The following CES3 variants were observed in gnomAD, a reference collection of about 807,000 sequenced individuals.
CES3 encodes the protein carboxylesterase 3, also known as carboxylesterase 3 (brain).
Under a neutral mutation model 57.6 loss-of-function variants are expected in CES3, and 49 were observed. The observed-to-expected ratio is 0.85, with a 90% CI of 0.68 to 1.08. The LOEUF (loss-of-function observed/expected upper bound fraction) is 1.08. Among genes scored for constraint, CES3 ranks in the 50% least tolerant of loss-of-function variants. CES3 has a pLI of 0.00. For synonymous variants in CES3, 266 were observed against 281.6 expected, an observed-to-expected ratio of 0.94 and a Z score of 0.55; for missense variants, 645 against 742.0, an observed-to-expected ratio of 0.87 and a Z score of 1.52.
chr16:66,966,566 TCTC>T lies in CES3; in HGVS notation c.922-156_922-154del. The stretch of plus-strand genomic sequence containing the variant: ...AAACTGGACGCATCTGTTGCCCTGA[TCTC>T]CTGGTTCCCCCGACCCCCTTAACCC... On this transcript the variant is annotated intron_variant, in intron 7 of 12. Coordinates refer to ENST00000303334, the MANE Select transcript of CES3 (RefSeq NM_024922.6). 4 of 947,420 alleles carry T rather than the reference TCTC, an allele frequency of 4.2e-6. No homozygotes were observed. In the South Asian group the frequency reaches 4.8e-5, roughly 11 times the overall value. 58.7% of individuals were successfully genotyped at this position (947,420 alleles called of 1,614,324 possible).
Position 66,969,755 on chromosome 16 carries a change from G to A in CES3, c.1139G>A (p.Ser380Asn). 1 of 1,611,788 alleles carries A rather than the reference G, an allele frequency of 6.2e-7. No individual in the cohort carries two copies. The highest frequency in any genetic ancestry group is 8.5e-7 in the Non-Finnish European group (1 of 1,179,024). ...MLAISTPVLT[S>N]LDVPPEMMPT... ...GCCATCTCAACACCCGTCTTGACCA[G>A]TCTGGTGAGACAAGAGGCAGGAGGG... Residue 380 changes from serine to asparagine, a missense_variant, in exon 9 of 13, where the codon AGT becomes AAT. Transcript: ENST00000303334.
chr16:66,964,221 C>A, intron 4 of CES3, 136 bp from the exon 5 acceptor site: 1 of 1,246,240 alleles, frequency 8.0e-7, no homozygotes, highest in Non-Finnish European at 1.1e-6. Flanking sequence ...TGTGGAGATG[C>A]CAACCACGGC....
chr16:66,964,165 G>A (rs980847734), intron 4 of CES3, among the ~76,000 whole-genome samples, 192 bp from the exon 5 acceptor site: 4 of 152,228 alleles, frequency 2.6e-5, no homozygotes, highest in African/African-American at 7.2e-5. Flanking sequence ...TGATTCCTGG[G>A]CTGAAGCCCA....
chr16:66,964,756 A>G, intron 6 of CES3, 29 bp downstream of exon 6: 1 of 1,583,726 alleles, frequency 6.3e-7, no homozygotes, highest in East Asian at 2.2e-5. Context: ...CTCTTACTCT[A>G]TGTGTGCCTC....
At chr16:66,970,412 C>T (rs1963812686) in intron 9 of CES3, among the ~76,000 whole-genome samples, 2 of 152,182 alleles carry the variant, frequency 1.3e-5, no homozygotes, top group African/African-American at 4.8e-5. Flanking sequence ...CCCGGCGCTG[C>T]AACTCTTTAC....
Position 66,963,153 on chromosome 16 carries a change from C to A in CES3, c.83-26C>A. ...CCCTCATGGGGGCTGCAAACTCACC[C>A]CGTGGCCTTTCTGTCCTTCCCTCAG... On this transcript the variant is annotated intron_variant, in intron 1 of 12. Coordinates refer to ENST00000303334, the MANE Select transcript of CES3 (RefSeq NM_024922.6). This position sits in a 1 kb window ranked among gnomAD's most constrained non-coding sequence, Gnocchi z 4.9. 1 of 1,613,070 alleles carries A rather than the reference C, an allele frequency of 6.2e-7. No individual in the cohort carries two copies. The highest frequency in any genetic ancestry group is 1.1e-5 in the South Asian group (1 of 91,050).
chr16:66,964,546 G>A, intron 5 of CES3, 36 bp downstream of exon 5: 1 of 1,612,454 alleles, frequency 6.2e-7, no homozygotes, highest in Non-Finnish European at 8.5e-7. Context: ...TGGTGGCCAG[G>A]AGGGCTCCGG....
rs1186938941 is a variant in CES3, at chr16:66,972,708, C to T, written c.1482C>T (p.Leu494=). The change falls in exon 12 of 13, where the codon CTC becomes CTT. Residue 494 remains leucine, a synonymous_variant. Transcript: ENST00000303334. ...EATEEEKQLS[L]TMMAQWTHFA... ...CAGAGGAGGAGAAGCAGCTAAGCCT[C>T]ACCATGATGGCCCAGTGGACCCACT... The T allele has an allele frequency of 1.2e-6, 2 of 1,614,230 alleles. No individual in the cohort carries two copies. The highest frequency in any genetic ancestry group is 1.7e-6 in the Non-Finnish European group (2 of 1,180,044).
At position 66,975,070 on chromosome 16, in the gene CES3, T is replaced by C. The variant is rs1187209000; in HGVS notation, c.*2021T>C. ...AAAAGCAGGCTGCCTGAGCCAGCAG[T>C]GACAACCCCCCTCGGGTCCCCTCCC... On this transcript the variant is annotated 3_prime_UTR_variant, in exon 13 of 13. Coordinates refer to ENST00000303334, the MANE Select transcript of CES3 (RefSeq NM_024922.6). 6.6e-6 allele frequency: 1 copy of C among 152,258 alleles called. No individual in the cohort carries two copies. The highest frequency in any genetic ancestry group is 1.5e-5 in the Non-Finnish European group (1 of 68,094). 9.4% of individuals were successfully genotyped at this position (152,258 alleles called of 1,614,324 possible).
rs1283574056 is a variant in CES3, at chr16:66,963,096, G to A, written c.83-83G>A. 7.0e-7 allele frequency: 1 copy of A among 1,433,750 alleles called. No individual in the cohort carries two copies. Among genetic ancestry groups the A allele is most frequent in the Non-Finnish European group, 9.8e-7 (1 of 1,021,432 alleles). The allele number at this position is 1,433,750 out of a possible 1,614,324, so 88.8% of individuals were successfully genotyped here. On this transcript the variant is annotated intron_variant, in intron 1 of 12. Coordinates refer to ENST00000303334, the MANE Select transcript of CES3 (RefSeq NM_024922.6). The surrounding 1 kb of genome is among the most constrained non-coding windows in gnomAD (Gnocchi z 4.9). The stretch of plus-strand genomic sequence containing the variant: ...CAAGATGCTGTGTGGTAAGTACTGA[G>A]AACAGCCTGAGGGTTTGTCTTTCAC...
chr16:66,971,051 G>C (rs1963822962), intron 9 of CES3, 121 bp from the exon 10 acceptor site: 1 of 1,130,468 alleles, frequency 8.8e-7, no homozygotes, highest in Non-Finnish European at 1.2e-6. Flanking sequence ...GCAGCTGGCT[G>C]TCCCCTGGAC....
Position 66,973,371 on chromosome 16 carries a change from G to A in CES3, c.*322G>A, listed in dbSNP as rs910298475. On this transcript the variant is annotated 3_prime_UTR_variant, in exon 13 of 13. Transcript: ENST00000303334. ...TGCCTTCTCTGGGCTGTGCGGCCCC[G>A]AGTCTGCGTCCATTAGAGCACAGTC... 4.4e-5 allele frequency: 12 copies of A among 274,206 alleles called. No individual in the cohort carries two copies. The highest frequency in any genetic ancestry group is 4.2e-5 in the Non-Finnish European group (6 of 142,182). The allele number at this position is 274,206 out of a possible 1,614,324, so 17.0% of individuals were successfully genotyped here.
intron 8 of CES3, 147 bp downstream of exon 8, chr16:66,967,012 G>A: frequency 4.1e-6 from 4 of 978,986 alleles, no homozygotes; most frequent in Admixed American, 5.0e-5. Context: ...AAGGTTTGAG[G>A]GACTTGCCCA....
At chr16:66,968,193 CTT>C (rs1277577568) in intron 8 of CES3, among the ~76,000 whole-genome samples, 1 of 152,116 alleles carries the variant, frequency 6.6e-6, no homozygotes, top group African/African-American at 2.4e-5. Flanking sequence ...GAGTTTTGCT[CTT>C]GTTGCCCAGG....
chr16:66,967,615 T>C (rs1438915194), intron 8 of CES3: 6 of 985,012 alleles, frequency 6.1e-6, no homozygotes, highest in Non-Finnish European at 7.2e-6. Context: ...TGTGCTTTCA[T>C]CCCGAGCATC....
At chr16:66,961,425 G>A in intron 1 of CES3, 36 bp downstream of exon 1, 1 of 1,552,622 alleles carries the variant, frequency 6.4e-7, no homozygotes, top group Non-Finnish European at 8.8e-7. Flanking sequence ...GAGGTACTTG[G>A]TGTGGAGGAG....
chr16:66,963,349 G>A lies in CES3; in HGVS notation c.253G>A (p.Glu85Lys), dbSNP rs1963678199. The stretch of plus-strand genomic sequence containing the variant: ...AGCCCCACACCCAGCACAGCCCTGG[G>A]AGGGTGTGCGGGATGCCAGCACTGC... ...FSAPHPAQPW[E>K]GVRDASTAPP... The change falls in exon 2 of 13, where the codon GAG becomes AAG. Residue 85 changes from glutamate (E) to lysine (K), a missense_variant. Glu to Lys is a moderately conservative substitution (Grantham distance 56). Coordinates refer to ENST00000303334, the MANE Select transcript of CES3 (RefSeq NM_024922.6). This position sits in a 1 kb window ranked among gnomAD's most constrained non-coding sequence, Gnocchi z 4.9. 2 of 1,613,128 alleles carry A rather than the reference G, an allele frequency of 1.2e-6. No homozygotes were observed. The highest frequency in any genetic ancestry group is 1.7e-6 in the Non-Finnish European group (2 of 1,180,014).
chr16:66,972,650 T>C lies in CES3; in HGVS notation c.1442-18T>C. 1 of 1,614,170 alleles carries C rather than the reference T, an allele frequency of 6.2e-7. No homozygotes were observed. Among genetic ancestry groups the C allele is most frequent in the South Asian group, 1.1e-5 (1 of 91,078 alleles). ...CCCACCTGACTCTCGTTCAGTTCTG[T>C]CCCTCTCACCTTTCCAGCCTTTCCA... On this transcript the variant is annotated intron_variant, in intron 11 of 12. Transcript: ENST00000303334.
Position 66,963,737 on chromosome 16 carries a change from G to A in CES3, c.427-65G>A. 6.2e-7 allele frequency: 1 copy of A among 1,609,712 alleles called. No individual in the cohort carries two copies. ...CCCTAGCGGTCCTGAGACTGCCTGG[G>A]CTGGCAGGTGGGCAGCTAAGGTCTC... is the stretch of plus-strand genomic sequence containing the variant. On this transcript the variant is annotated intron_variant, in intron 3 of 12. Transcript: ENST00000303334. The surrounding 1 kb of genome is among the most constrained non-coding windows in gnomAD (Gnocchi z 4.9).
Sources: allele counts gnomAD v4.1 joint callset (sites outside exome capture counted in the v4.1 genomes callset), GRCh38; gene constraint gnomAD v4.1.1; non-coding constraint Gnocchi (gnomAD v3.1); transcripts MANE v1.5; gene names NCBI Gene and HGNC (gene_info 2026-07-23, HGNC 2026-07-21).